The following SYCE1 variants were observed in gnomAD, a reference collection of about 807,000 sequenced individuals.
The protein encoded by SYCE1 is cancer/testis antigen 76.
A neutral mutation model predicts 55.1 loss-of-function variants in SYCE1; 37 were observed. That is an observed-to-expected ratio of 0.67 (90% CI 0.52 to 0.88). SYCE1 has a LOEUF of 0.88. SYCE1 is among the 40% of genes least tolerant of loss of function. SYCE1 has a pLI of 0.00. For synonymous variants in SYCE1, 163 were observed against 159.4 expected, an observed-to-expected ratio of 1.02 and a Z score of -0.17; for missense variants, 399 against 416.4, an observed-to-expected ratio of 0.96 and a Z score of 0.36.
At chr10:133,554,789 T>C, downstream of SYCE1, 1 of 1,472,456 alleles carries the variant, frequency 6.8e-7, no homozygotes. Context: ...CCTGCATCCC[T>C]CTGCCTGCGG....
chr10:133,562,260 AATGTGT>A (rs1249140853), intron 1 of SYCE1, among the ~76,000 whole-genome samples: 9 of 121,886 alleles, frequency 7.4e-5, no homozygotes, highest in African/African-American at 2.8e-4. Context: ...GCTAACATCC[AATGTGT>A]GTGTGTGTGT....
At chr10:133,567,803 G>A, upstream of SYCE1, 1 of 358,070 alleles carries the variant, frequency 2.8e-6, no homozygotes, top group Non-Finnish European at 5.6e-6. Flanking sequence ...GGAGCCACAG[G>A]CCACTGCCTT....
chr10:133,562,367 G>GT (rs1292519679), intron 1 of SYCE1, among the ~76,000 whole-genome samples: 1 of 149,688 alleles, frequency 6.7e-6, no homozygotes, highest in Non-Finnish European at 1.5e-5. Context: ...AGGACCTTGT[G>GT]TTTTTTGGGC....
rs200377791 is a variant in SYCE1, at chr10:133,558,955, C to T, written c.197-4G>A. Reference sequence around the variant, plus strand: ...TCTTTATTGGCTTTCTTTTTTGCTTCACCAAAGAGCAGAAAAACATTGTGT... The same window carrying T: ...TCTTTATTGGCTTTCTTTTTTGCTTTACCAAAGAGCAGAAAAACATTGTGT... On this transcript the variant is annotated splice_polypyrimidine_tract_variant and splice_region_variant and intron_variant, in intron 3 of 12. Transcript: ENST00000343131. The T allele has an allele frequency of 5.6e-6, 9 of 1,608,590 alleles. No individual in the cohort carries two copies. The highest frequency in any genetic ancestry group is 1.1e-5 in the South Asian group (1 of 89,890).
At chr10:133,560,196 G>A (rs754309652) in intron 1 of SYCE1, 43 bp from the exon 2 acceptor site, 2 of 1,586,854 alleles carry the variant, frequency 1.3e-6, no homozygotes, top group Non-Finnish European at 1.7e-6. Flanking sequence ...AGCAGGGCGA[G>A]AGGCCACCCC....
At chr10:133,554,770 C>G, downstream of SYCE1, 1 of 1,436,756 alleles carries the variant, frequency 7.0e-7, no homozygotes. Flanking sequence ...ACTGTGAGAG[C>G]GTCTCGGGCC....
In SYCE1 at chr10:133,555,865, G is replaced by A. The variant is rs1164919958; in HGVS notation, c.634C>T (p.Gln212Ter). ...TCAGCCCCACACAGGGAGCACAGCT[G>A]ATGCTTCACGTCTTCCAGTGTCGCC... The part of the protein sequence containing the change: ...VKATLEDVKH[Q>*]LCSLCGAEGP... Residue 212 changes from glutamine to a stop codon, truncating the protein, a stop_gained, in exon 10 of 13, where the codon CAG becomes TAG. Coordinates refer to ENST00000343131, the MANE Select transcript of SYCE1 (RefSeq NM_001143764.3). LOFTEE classifies it high-confidence loss of function. 6.2e-7 allele frequency: 1 copy of A among 1,614,088 alleles called. No individual in the cohort carries two copies.
chr10:133,555,530 G>A, intron 11 of SYCE1, 67 bp downstream of exon 11: 6 of 1,606,574 alleles, frequency 3.7e-6, no homozygotes, highest in Non-Finnish European at 5.1e-6. Flanking sequence ...ACAGAAGGTG[G>A]AGAGAGGAGA....
At chr10:133,555,258 G>A in intron 12 of SYCE1, 93 bp downstream of exon 12, 3 of 1,586,686 alleles carry the variant, frequency 1.9e-6, no homozygotes, top group Non-Finnish European at 2.6e-6. Context: ...CATCCTCTGA[G>A]GAGTCCCAGG....
intron 6 of SYCE1, 101 bp from the exon 7 acceptor site, chr10:133,557,257 T>C (rs1208771067): frequency 2.2e-6 from 2 of 902,268 alleles, no homozygotes; most frequent in Non-Finnish European, 3.6e-6. Context: ...TTTTTCCCTC[T>C]ACATTAAGGT....
At chr10:133,566,689 G>A (rs187253882), upstream of SYCE1, among the ~76,000 whole-genome samples, 258 of 151,354 alleles carry the variant, frequency 1.7e-3, no homozygotes, top group Admixed American at 3.2e-3. Context: ...GCTAAGGTTT[G>A]TAAGGGTTAG....
chr10:133,555,040 G>A lies in SYCE1; in HGVS notation c.1008C>T (p.His336=), dbSNP rs756874650. 3 of 1,551,506 alleles carry A rather than the reference G, an allele frequency of 1.9e-6. No individual in the cohort carries two copies. Among genetic ancestry groups the A allele is most frequent in the Admixed American group, 3.9e-5 (2 of 50,980 alleles). The change falls in exon 13 of 13, where the codon CAC becomes CAT. Residue 336 remains histidine, a synonymous_variant. Transcript: ENST00000343131. ...DVLIGQEDTL[H]PDLSPRGFQE... The stretch of plus-strand genomic sequence containing the variant: ...GAAAGCCCCTTGGGCTAAGGTCGGG[G>A]TGGAGTGTGTCCTCCTGGCCTATGA...
rs1442962275 is a variant in SYCE1, at chr10:133,565,500, G to C, written c.30C>G (p.Ala10=). The part of the protein sequence containing the change: MAGRSLTSK[A]EPTAGAVDRA... ...TGTCCACGGCTCCTGCGGTGGGCTC[G>C]GCCTTCGATGTCAGGGACCTCCCCG... Residue 10 remains alanine, a synonymous_variant, in exon 1 of 13, where the codon GCC becomes GCG. Coordinates refer to ENST00000343131, the MANE Select transcript of SYCE1 (RefSeq NM_001143764.3). The C allele has an allele frequency of 3.9e-6, 6 of 1,549,912 alleles. No homozygotes were observed. Among genetic ancestry groups the C allele is most frequent in the Non-Finnish European group, 5.2e-6 (6 of 1,146,784 alleles).
At chr10:133,558,331 A>C in intron 4 of SYCE1, 117 bp from the exon 5 acceptor site, 18 of 1,150,034 alleles carry the variant, frequency 1.6e-5, no homozygotes, top group Non-Finnish European at 2.2e-5. Context: ...CCAAATGTGA[A>C]CCCTTGAGGT....
intron 8 of SYCE1, 83 bp from the exon 9 acceptor site, chr10:133,556,130 C>T (rs1851677585): frequency 1.3e-6 from 2 of 1,520,306 alleles, no homozygotes; most frequent in South Asian, 2.3e-5. Flanking sequence ...TTGTTTCATA[C>T]TTACTCACTA....
chr10:133,555,831 G>C lies in SYCE1; in HGVS notation c.668C>G (p.Ser223Cys). 6.2e-7 allele frequency: 1 copy of C among 1,613,884 alleles called. No individual in the cohort carries two copies. Among genetic ancestry groups the C allele is most frequent in the Non-Finnish European group, 8.5e-7 (1 of 1,180,022 alleles). Residue 223 changes from serine (S) to cysteine (C), a missense_variant, in exon 10 of 13, where the codon TCC becomes TGC. Ser to Cys is a moderately radical substitution (Grantham distance 112). Coordinates refer to ENST00000343131, the MANE Select transcript of SYCE1 (RefSeq NM_001143764.3). ...LCSLCGAEGPSTLDEGLFLRS... is the reference protein window; with the variant it reads ...LCSLCGAEGPCTLDEGLFLRS... ...GAGAAAGAGTCCCTCATCAAGGGTGGAGGGGCCCTCAGCCCCACACAGGGA... is the reference window on the plus strand; with the variant it reads ...GAGAAAGAGTCCCTCATCAAGGGTGCAGGGGCCCTCAGCCCCACACAGGGA...
At chr10:133,561,687 T>G (rs1851817973) in intron 1 of SYCE1, among the ~76,000 whole-genome samples, 1 of 152,190 alleles carries the variant, frequency 6.6e-6, no homozygotes, top group Admixed American at 6.5e-5. Context: ...TGGTCTTAAT[T>G]TTTCCTTATC....
At chr10:133,556,596 C>T in intron 8 of SYCE1, 163 bp downstream of exon 8, 1 of 718,550 alleles carries the variant, frequency 1.4e-6, no homozygotes. Context: ...GCAGCAGGGT[C>T]ACAAGGAGGT....
intron 3 of SYCE1, 156 bp downstream of exon 3, chr10:133,559,145 G>A (rs1249635592): frequency 9.7e-6 from 9 of 929,090 alleles, no homozygotes; most frequent in African/African-American, 3.2e-5. Flanking sequence ...TATGGCAGTC[G>A]CATGCTGAAA....
Sources: gnomAD v4.1 joint callset for allele counts (sites outside exome capture counted in the v4.1 genomes callset) on GRCh38, gnomAD v4.1.1 for gene constraint, MANE v1.5 for transcripts, NCBI Gene and HGNC (gene_info 2026-07-23, HGNC 2026-07-21) for gene names.